The following ANKFN1 variants were observed in gnomAD, a reference collection of about 807,000 sequenced individuals.
The protein encoded by ANKFN1 is ankyrin repeat and fibronectin type-III domain-containing protein 1.
A neutral mutation model predicts 108.7 loss-of-function variants in ANKFN1; 74 were observed. The ratio of observed to expected loss-of-function variants is 0.68; its 90% CI spans 0.56 to 0.83. ANKFN1 has a LOEUF of 0.83. ANKFN1 is among the 40% of genes least tolerant of loss of function. The probability of loss-of-function intolerance (pLI) is 0.00; values close to 1 mark genes in which losing one functional copy is unlikely to be tolerated. For synonymous variants in ANKFN1, 547 were observed against 516.2 expected (o/e 1.06, Z -0.81); for missense variants, 1,505 against 1,382.3 (o/e 1.09, Z -1.41).
In ANKFN1 at chr17:56,477,595, C is replaced by A. The variant is rs1313199333; in HGVS notation, c.1881C>A (p.Thr627=). The change falls in exon 16 of 21, where the codon ACC becomes ACA. Residue 627 remains threonine, a synonymous_variant. Transcript: ENST00000682825. The part of the protein sequence containing the change: ...SSVDQIKVLV[T]QKLPNILCHV... Reference sequence around the variant, plus strand: ...TGGATCAAATCAAAGTTCTTGTTACCCAAAAGTTGCCCAACATTCTCTGCC... The same window carrying A: ...TGGATCAAATCAAAGTTCTTGTTACACAAAAGTTGCCCAACATTCTCTGCC... 3 of 1,613,572 alleles carry A rather than the reference C, an allele frequency of 1.9e-6. No individual in the cohort carries two copies. The East Asian group carries it at 6.7e-5, about 36-fold the overall frequency.
At chr17:56,502,826 C>T (rs1323793167) in intron 20 of ANKFN1, among the ~76,000 whole-genome samples, 1 of 152,198 alleles carries the variant, frequency 6.6e-6, no homozygotes, top group East Asian at 1.9e-4. Flanking sequence ...GCCTCTGATG[C>T]CAGCCCAAGA....
intron 4 of ANKFN1, among the ~76,000 whole-genome samples, chr17:56,129,266 T>C (rs1157018608): frequency 6.6e-6 from 1 of 152,160 alleles, no homozygotes; most frequent in Non-Finnish European, 1.5e-5. Context: ...CCTCCCAGGA[T>C]TCTTTTTATT....
intron 18 of ANKFN1, among the ~76,000 whole-genome samples, chr17:56,487,207 A>C (rs867364608): frequency 1.3e-5 from 2 of 152,158 alleles, no homozygotes; most frequent in African/African-American, 4.8e-5. Flanking sequence ...CTCTTTCCAC[A>C]GCCTGAAGGT....
chr17:56,153,636 G>A (rs1005637289), intron 1 of ANKFN1, 106 bp downstream of exon 1: 21 of 1,442,590 alleles, frequency 1.5e-5, no homozygotes, highest in Admixed American at 3.4e-5. Context: ...GAATTCGGGC[G>A]TTAGCTGGTG....
chr17:56,432,043 C>T (rs191667442), intron 8 of ANKFN1, among the ~76,000 whole-genome samples: 6 of 152,314 alleles, frequency 3.9e-5, no homozygotes, highest in Non-Finnish European at 7.3e-5. Context: ...CCTGTGGAAG[C>T]GCTGTCAGAG....
intron 3 of ANKFN1, chr17:56,228,226 C>A: frequency 2.7e-6 from 1 of 372,892 alleles, no homozygotes; most frequent in Non-Finnish European, 4.8e-6. Flanking sequence ...AGGCAATATT[C>A]ATTTATATAT....
chr17:56,458,701 A>G (rs940619973), intron 14 of ANKFN1, among the ~76,000 whole-genome samples: 3 of 152,146 alleles, frequency 2.0e-5, no homozygotes, highest in African/African-American at 4.8e-5. Context: ...AAAAAAAAAT[A>G]TCTGCTACAT....
chr17:56,203,964 T>C (rs1914283130), intron 1 of ANKFN1, among the ~76,000 whole-genome samples: 1 of 152,192 alleles, frequency 6.6e-6, no homozygotes, highest in Non-Finnish European at 1.5e-5. Context: ...CTATGCCTGC[T>C]TTTTCCCTGA....
intron 15 of ANKFN1, among the ~76,000 whole-genome samples, chr17:56,467,803 A>AAAG (rs1568026466): frequency 0.016 from 409 of 26,270 alleles, 11 homozygotes; most frequent in African/African-American, 0.065. Flanking sequence ...AGAAAGAAAG[A>AAAG]AAGAAAGAAA....
intron 8 of ANKFN1, among the ~76,000 whole-genome samples, chr17:56,406,633 T>G (rs925071020): frequency 6.6e-6 from 1 of 152,178 alleles, no homozygotes; most frequent in Non-Finnish European, 1.5e-5. Flanking sequence ...AATTATTGAA[T>G]GAAAAATACA....
At chr17:56,332,800 T>C (rs1163075940) in intron 4 of ANKFN1, among the ~76,000 whole-genome samples, 1 of 152,096 alleles carries the variant, frequency 6.6e-6, no homozygotes, top group Non-Finnish European at 1.5e-5. Flanking sequence ...GTTTTGGCTA[T>C]TTTAGATCCT....
chr17:56,218,895 TATC>T (rs750122599), intron 2 of ANKFN1, among the ~76,000 whole-genome samples: 29 of 152,328 alleles, frequency 1.9e-4, no homozygotes, highest in Admixed American at 1.6e-3. Context: ...GCAAACCTAT[TATC>T]ATCTTTTTTT....
chr17:56,426,545 A>T (rs766103275), intron 8 of ANKFN1, among the ~76,000 whole-genome samples: 15 of 152,212 alleles, frequency 9.9e-5, no homozygotes, highest in Non-Finnish European at 2.1e-4. Flanking sequence ...TGTTTTGTGA[A>T]TGTTGAAAAT....
chr17:56,112,082 A>C (rs1436583723), intron 4 of ANKFN1, among the ~76,000 whole-genome samples: 3 of 152,232 alleles, frequency 2.0e-5, no homozygotes, highest in Non-Finnish European at 4.4e-5. Context: ...CTTTATTGAC[A>C]AAAAATTGTT....
At chr17:56,105,257 G>T (rs1905722934) in intron 4 of ANKFN1, among the ~76,000 whole-genome samples, 1 of 152,128 alleles carries the variant, frequency 6.6e-6, no homozygotes, top group African/African-American at 2.4e-5. Flanking sequence ...ATTGATGAGT[G>T]ACTGGTTCTG....
intron 8 of ANKFN1, among the ~76,000 whole-genome samples, chr17:56,420,452 A>G (rs1331849123): frequency 6.6e-6 from 1 of 152,210 alleles, no homozygotes; most frequent in Non-Finnish European, 1.5e-5. Context: ...ATGGGAAACT[A>G]AAGGTTATCT....
At chr17:56,293,962 G>A (rs1056798670) in intron 3 of ANKFN1, among the ~76,000 whole-genome samples, 16 of 152,222 alleles carry the variant, frequency 1.1e-4, no homozygotes, top group Middle Eastern at 3.4e-3. Context: ...TTTTCACCAT[G>A]GGGTTTAGCC....
chr17:56,455,147 T>C (rs2049640854), intron 11 of ANKFN1, among the ~76,000 whole-genome samples: 1 of 152,184 alleles, frequency 6.6e-6, no homozygotes, highest in Admixed American at 6.5e-5. Context: ...AAGTCTTAAA[T>C]CTTTCTATCC....
Position 56,456,936 on chromosome 17 carries a change from A to G in ANKFN1, c.1283A>G (p.Asn428Ser), listed in dbSNP as rs745729841. 2.5e-6 allele frequency: 4 copies of G among 1,614,088 alleles called. No individual in the cohort carries two copies. The highest frequency in any genetic ancestry group is 3.4e-6 in the Non-Finnish European group (4 of 1,179,976). Residue 428 changes from asparagine to serine, a missense_variant, in exon 12 of 21, where the codon AAC becomes AGC. Asn to Ser is a conservative substitution (Grantham distance 46). Coordinates refer to ENST00000682825, the MANE Select transcript of ANKFN1 (RefSeq NM_001370326.1). ...CTGAAACACCTGTTCCATTCCTCGA[A>G]CAAGTTTGTGAAGACCTTAAAACGG... ...RSLKHLFHSS[N>S]KFVKTLKRGL...
Sources: gnomAD v4.1 joint callset for allele counts (sites outside exome capture counted in the v4.1 genomes callset) on GRCh38, gnomAD v4.1.1 for gene constraint, MANE v1.5 for transcripts, NCBI Gene and HGNC (gene_info 2026-07-23, HGNC 2026-07-21) for gene names.